The following MAP7 variants were observed in gnomAD, a reference collection of about 807,000 sequenced individuals.
MAP7 encodes the protein ensconsin.
MAP7 carries 52 observed loss-of-function variants against 94.8 expected under a neutral mutation model. The ratio of observed to expected loss-of-function variants is 0.55; its 90% confidence interval spans 0.44 to 0.69. MAP7 has a LOEUF of 0.69. Among genes scored for constraint, MAP7 ranks in the 30% least tolerant of loss-of-function variants. The probability of loss-of-function intolerance (pLI) is 0.00; values close to 1 mark genes in which losing one functional copy is unlikely to be tolerated. For synonymous variants in MAP7, 350 were observed against 357.0 expected, an observed-to-expected ratio of 0.98 and a Z score of 0.22; for missense variants, 940 against 964.6, an observed-to-expected ratio of 0.97 and a Z score of 0.34.
chr6:136,451,195 AC>A (rs1801000496), intron 1 of MAP7, among the ~76,000 whole-genome samples: 2 of 152,092 alleles, frequency 1.3e-5, no homozygotes, highest in African/African-American at 4.8e-5. Flanking sequence ...TTTCCTGATC[AC>A]CTCCCCATAA....
At chr6:136,381,063 G>T (rs375172729) in intron 6 of MAP7, among the ~76,000 whole-genome samples, 1 of 152,128 alleles carries the variant, frequency 6.6e-6, no homozygotes, top group African/African-American at 2.4e-5. Context: ...TGTCTATAAG[G>T]TCCTCTAATT....
intron 5 of MAP7, among the ~76,000 whole-genome samples, chr6:136,385,001 G>A (rs1778807052): frequency 6.6e-6 from 1 of 152,170 alleles, no homozygotes; most frequent in South Asian, 2.1e-4. Context: ...AGTAGCCAAA[G>A]TGAAAGGGGT....
chr6:136,497,024 T>C (rs1818459616), intron 1 of MAP7, among the ~76,000 whole-genome samples: 1 of 152,028 alleles, frequency 6.6e-6, no homozygotes, highest in African/African-American at 2.4e-5. Context: ...AAAGTACTGC[T>C]TTCTGTGCCA....
At chr6:136,425,203 T>C (rs1284941954) in intron 1 of MAP7, among the ~76,000 whole-genome samples, 3 of 152,242 alleles carry the variant, frequency 2.0e-5, no homozygotes, top group Admixed American at 6.5e-5. Context: ...ATAAAATTTA[T>C]GAACTGTTTA....
intron 1 of MAP7, among the ~76,000 whole-genome samples, chr6:136,474,721 CTTTT>C (rs55694865): frequency 1.4e-5 from 2 of 145,168 alleles, no homozygotes. Flanking sequence ...CAATCTAAAA[CTTTT>C]TTTTTTTTTT....
rs1435683367 is a variant in MAP7, at chr6:136,372,536, C to A, written c.841G>T (p.Gly281Cys). 6.2e-7 allele frequency: 1 copy of A among 1,614,046 alleles called. No homozygotes were observed. Among genetic ancestry groups the A allele is most frequent in the African/African-American group, 1.3e-5 (1 of 74,904 alleles). The change falls in exon 8 of 18, where the codon GGC (glycine) becomes TGC (cysteine). Residue 281 changes from glycine (G) to cysteine (C), a missense_variant. Transcript: ENST00000354570. ...RPKLFVTPPE[G>C]SSRRRIIHGT... is the part of the protein sequence containing the mutation. ...TGAATGATCCTCCTGCGAGAAGAGC[C>A]CTCAGGTGGTGTTACAAAGAGTTTT...
intron 1 of MAP7, among the ~76,000 whole-genome samples, chr6:136,542,486 A>G (rs3778317): frequency 0.27 from 41,503 of 152,054 alleles, 7,365 homozygotes; most frequent in African/African-American, 0.5. Context: ...TAATAAACAA[A>G]GTATATGAAC....
intron 1 of MAP7, among the ~76,000 whole-genome samples, chr6:136,499,401 G>A (rs186244652): frequency 9.1e-4 from 138 of 152,194 alleles, no homozygotes; most frequent in Non-Finnish European, 1.5e-3. Flanking sequence ...TAACCCCAAG[G>A]TAAGTACTGT....
chr6:136,351,042 T>C (rs1259614864), intron 16 of MAP7, among the ~76,000 whole-genome samples: 15 of 151,996 alleles, frequency 9.9e-5, no homozygotes, highest in African/African-American at 3.4e-4. Flanking sequence ...GTCATAAAAA[T>C]AGCCCCTCGA....
chr6:136,472,012 T>C (rs748442920), intron 1 of MAP7, among the ~76,000 whole-genome samples: 4 of 152,186 alleles, frequency 2.6e-5, no homozygotes, highest in Non-Finnish European at 4.4e-5. Context: ...GTCTAGATTA[T>C]TGGGGCTGAA....
intron 1 of MAP7, among the ~76,000 whole-genome samples, chr6:136,435,630 T>C (rs918929209): frequency 1.3e-5 from 2 of 152,284 alleles, no homozygotes; most frequent in Admixed American, 6.5e-5. Context: ...TTTACAGAAG[T>C]GGAAAACCTT....
intron 1 of MAP7, among the ~76,000 whole-genome samples, chr6:136,493,342 C>T (rs372435405): frequency 4.1e-4 from 63 of 152,216 alleles, no homozygotes; most frequent in African/African-American, 1.4e-3. Context: ...AGTCTGGTCT[C>T]GAACTCCTGA....
chr6:136,506,597 G>A (rs1432566810), intron 1 of MAP7, among the ~76,000 whole-genome samples: 1 of 151,550 alleles, frequency 6.6e-6, no homozygotes, highest in Non-Finnish European at 1.5e-5. Context: ...TACTGGAACT[G>A]GTCCAGCCTA....
chr6:136,519,093 T>C (rs532522945), intron 1 of MAP7, among the ~76,000 whole-genome samples: 1 of 152,362 alleles, frequency 6.6e-6, no homozygotes, highest in South Asian at 2.1e-4. Flanking sequence ...GGGGAACAGC[T>C]GTATTCATTT....
intron 3 of MAP7, among the ~76,000 whole-genome samples, chr6:136,408,199 T>C (rs1171769501): frequency 6.6e-6 from 1 of 152,082 alleles, no homozygotes; most frequent in African/African-American, 2.4e-5. Context: ...TGGAATAGGG[T>C]GGTTAGAGAC....
intron 1 of MAP7, among the ~76,000 whole-genome samples, chr6:136,498,381 C>A (rs1394439017): frequency 1.3e-5 from 2 of 151,982 alleles, no homozygotes. Context: ...AACACCAGGA[C>A]CTGCCCGATT....
At chr6:136,541,363 G>T (rs560941395) in intron 1 of MAP7, among the ~76,000 whole-genome samples, 45 of 152,290 alleles carry the variant, frequency 3.0e-4, no homozygotes, top group African/African-American at 1.1e-3. Context: ...TTGGGGAAAT[G>T]AGTTTTATAC....
chr6:136,426,609 A>G (rs968117505), intron 1 of MAP7, among the ~76,000 whole-genome samples: 1 of 152,270 alleles, frequency 6.6e-6, no homozygotes, highest in Non-Finnish European at 1.5e-5. Context: ...AAGCATCCAG[A>G]TAAGTGAAGA....
intron 1 of MAP7, among the ~76,000 whole-genome samples, chr6:136,534,390 C>T (rs1828716585): frequency 6.6e-6 from 1 of 152,160 alleles, no homozygotes; most frequent in Non-Finnish European, 1.5e-5. Flanking sequence ...CAGGATAATC[C>T]CCTTTACTTA....
Sources: allele counts gnomAD v4.1 joint callset (sites outside exome capture counted in the v4.1 genomes callset), GRCh38; gene constraint gnomAD v4.1.1; transcripts MANE v1.5; gene names NCBI Gene and HGNC (gene_info 2026-07-23, HGNC 2026-07-21).